The following HGF variants were observed in gnomAD, a reference collection of about 807,000 sequenced individuals.
HGF encodes fibroblast-derived tumor cytotoxic factor.
Under a neutral mutation model 111.6 loss-of-function variants are expected in HGF, and 39 were observed. The observed-to-expected ratio is 0.35, with a 90% confidence interval of 0.27 to 0.46. HGF has a LOEUF of 0.46. Ranked by LOEUF, HGF falls within the 20% of genes least tolerant of loss-of-function variation. HGF has a pLI of 1.00. For synonymous variants in HGF, 285 were observed against 294.8 expected (o/e 0.97, Z 0.34); for missense variants, 735 against 910.5 (o/e 0.81, Z 2.48).
Position 81,700,415 on chromosome 7 carries a change from A to G in HGF, c.*2166T>C, listed in dbSNP as rs1699504851. ...TTGTTTTTAGCCTTTAATAAAATGA[A>G]AAATACTAGCCTCAAAATGTCTAAA... On this transcript the variant is annotated 3_prime_UTR_variant, in exon 18 of 18. Transcript: ENST00000222390. 1.3e-5 allele frequency: 2 copies of G among 151,642 alleles called. No individual in the cohort carries two copies. The highest frequency in any genetic ancestry group is 4.1e-4 in the South Asian group (2 of 4,830). The allele number at this position is 151,642 out of a possible 1,614,324, so 9.4% of individuals were successfully genotyped here. A position where few individuals can be genotyped will look rare whatever the true frequency, so the allele number is the denominator to read the frequency against.
chr7:81,736,537 A>G (rs1401959273), intron 7 of HGF, among the ~76,000 whole-genome samples: 12 of 152,204 alleles, frequency 7.9e-5, no homozygotes, highest in Middle Eastern at 3.4e-3. Flanking sequence ...TCATAAGAAT[A>G]TATGGAGATG....
At chr7:81,724,398 T>A (rs796263446) in intron 9 of HGF, among the ~76,000 whole-genome samples, 1 of 152,110 alleles carries the variant, frequency 6.6e-6, no homozygotes, top group South Asian at 2.1e-4. Context: ...TAAATTTGGC[T>A]TGGGATTTCA....
chr7:81,741,237 G>A (rs969923656), intron 7 of HGF, among the ~76,000 whole-genome samples: 4 of 151,984 alleles, frequency 2.6e-5, no homozygotes, highest in Admixed American at 6.6e-5. Context: ...AAGCTCAGAA[G>A]ACTTTTTAAA....
Position 81,746,032 on chromosome 7 carries a change from G to T in HGF, c.626-912C>A, listed in dbSNP as rs5745655. ...TCCTTAAACACATCATTTGTATCTT[G>T]CAATTACTGATCATCTAACTTTAGC... On this transcript the variant is annotated intron_variant, in intron 5 of 17. Transcript: ENST00000222390. Among the ~76,000 whole-genome samples the T allele has an allele frequency of 9.9e-3, 1,502 of 152,250 alleles. 23 individuals carry two copies. The highest frequency in any genetic ancestry group is 0.033 in the African/African-American group (1,362 of 41,538).
rs568422533 is a variant in HGF, at chr7:81,756,023, T to C, written c.482+1166A>G. On this transcript the variant is annotated intron_variant, in intron 4 of 17. Coordinates refer to ENST00000222390, the MANE Select transcript of HGF (RefSeq NM_000601.6). ...GCAGAATTGTGTCCCCAAAATGGAATAGAATAAAAAGTGGATTCAACAAGG... is the reference window on the plus strand; with the variant it reads ...GCAGAATTGTGTCCCCAAAATGGAACAGAATAAAAAGTGGATTCAACAAGG... The C allele has an allele frequency of 1.9e-4, 136 of 701,764 alleles. 1 individual carries two copies. The highest frequency in any genetic ancestry group is 1.8e-3 in the African/African-American group (105 of 57,330). 43.5% of individuals were successfully genotyped at this position (701,764 alleles called of 1,614,324 possible). A position where few individuals can be genotyped will look rare whatever the true frequency, so the allele number is the denominator to read the frequency against.
rs569441431 is a variant in HGF at position 81,726,824 on chromosome 7, GTT to G, written c.1041-809_1041-808del. On this transcript the variant is annotated intron_variant, in intron 8 of 17. Transcript: ENST00000222390. Reference sequence around the variant, plus strand: ...ATGGTTTTCTATCAATATAAATAAGGTTCACATTAAATAAAATATGGATTTCA... The same window carrying G: ...ATGGTTTTCTATCAATATAAATAAGGCACATTAAATAAAATATGGATTTCA... Among the ~76,000 whole-genome samples, 126 of 151,638 alleles carry G rather than the reference GTT, an allele frequency of 8.3e-4. 1 individual carries two copies. The highest frequency in any genetic ancestry group is 2.8e-3 in the African/African-American group (116 of 41,404).
chr7:81,721,478 C>T (rs550047849), intron 9 of HGF, among the ~76,000 whole-genome samples: 70 of 152,306 alleles, frequency 4.6e-4, no homozygotes, highest in African/African-American at 1.6e-3. Flanking sequence ...TATTTCCCAA[C>T]ATTTTCTTCT....
intron 4 of HGF, chr7:81,756,059 C>A (rs1014642348): frequency 4.8e-5 from 34 of 701,500 alleles, no homozygotes; most frequent in African/African-American, 4.7e-4. Flanking sequence ...CAGTCATCAC[C>A]ACCACTGCAA....
intron 5 of HGF, 139 bp from the exon 6 acceptor site, chr7:81,745,259 G>T: frequency 4.9e-6 from 4 of 814,216 alleles, no homozygotes; most frequent in Non-Finnish European, 8.1e-6. Flanking sequence ...TTTTATTAGG[G>T]CCTAATGTCT....
intron 7 of HGF, among the ~76,000 whole-genome samples, chr7:81,734,418 G>GT (rs200736232): frequency 0.01 from 1,554 of 152,200 alleles, 22 homozygotes; most frequent in African/African-American, 0.036. Context: ...TCACTGTCCT[G>GT]TTTGAATATG....
intron 7 of HGF, among the ~76,000 whole-genome samples, chr7:81,736,327 G>A (rs886684765): frequency 9.2e-5 from 14 of 151,972 alleles, no homozygotes; most frequent in African/African-American, 1.9e-4. Flanking sequence ...TATGCAACCC[G>A]CCCATTTAGT....
At chr7:81,722,485 C>A (rs1167262460) in intron 9 of HGF, among the ~76,000 whole-genome samples, 1 of 151,384 alleles carries the variant, frequency 6.6e-6, no homozygotes, top group Admixed American at 6.6e-5. Flanking sequence ...TATTTTTAAT[C>A]AAAAGAAATG....
intron 4 of HGF, chr7:81,755,413 T>C (rs1251205296): frequency 1.3e-5 from 2 of 152,132 alleles, no homozygotes; most frequent in Non-Finnish European, 2.9e-5. Context: ...AAAAAGGGAT[T>C]TTATTAATAT....
chr7:81,703,900 A>G (rs1166867283), intron 17 of HGF, among the ~76,000 whole-genome samples: 2 of 151,772 alleles, frequency 1.3e-5, no homozygotes. Flanking sequence ...GAGACTATAT[A>G]AACTATGCCA....
At chr7:81,758,583 CAT>C in intron 3 of HGF, 107 bp downstream of exon 3, 1 of 723,640 alleles carries the variant, frequency 1.4e-6, no homozygotes, top group Admixed American at 2.0e-5. Context: ...TAAAATATCT[CAT>C]ATATAGTAGA....
At chr7:81,722,928 C>T (rs183076415) in intron 9 of HGF, among the ~76,000 whole-genome samples, 117 of 148,512 alleles carry the variant, frequency 7.9e-4, no homozygotes, top group African/African-American at 2.6e-3. Flanking sequence ...TAAATAATAC[C>T]GAACGTTTTT....
chr7:81,713,989 CGTGT>C (rs10539468), intron 11 of HGF, among the ~76,000 whole-genome samples: 4,088 of 142,092 alleles, frequency 0.029, 61 homozygotes, highest in African/African-American at 0.047. Context: ...GGTGTGTGTG[CGTGT>C]GTGTGTGTGT....
At chr7:81,714,680 A>G (rs532132515) in intron 11 of HGF, among the ~76,000 whole-genome samples, 1 of 152,194 alleles carries the variant, frequency 6.6e-6, no homozygotes, top group South Asian at 2.1e-4. Flanking sequence ...AAAAATATGT[A>G]AAATATTATT....
Position 81,750,994 on chromosome 7 carries a change from A to G in HGF, c.625+1126T>C, listed in dbSNP as rs931223102. ...GATATGGAATGGAAAGTAAGAATTT[A>G]CAAACAGAGATGGAACTGGCTGTAG... On this transcript the variant is annotated intron_variant, in intron 5 of 17. Coordinates refer to ENST00000222390, the MANE Select transcript of HGF (RefSeq NM_000601.6). The G allele has an allele frequency of 3.1e-6, 3 of 976,004 alleles. No homozygotes were observed. In the East Asian group the frequency reaches 3.4e-4, roughly 111 times the overall value. 60.5% of individuals were successfully genotyped at this position (976,004 alleles called of 1,614,324 possible).
Sources: gnomAD v4.1 joint callset for allele counts (sites outside exome capture counted in the v4.1 genomes callset) on GRCh38, gnomAD v4.1.1 for gene constraint, MANE v1.5 for transcripts, NCBI Gene and HGNC (gene_info 2026-07-23, HGNC 2026-07-21) for gene names.